The following DDHD1 variants were observed in gnomAD, a reference collection of about 807,000 sequenced individuals.
The protein encoded by DDHD1 is DDHD domain containing 1, also known as phospholipase DDHD1.
DDHD1 carries 49 observed loss-of-function variants against 96.4 expected under a neutral mutation model. That is an observed-to-expected ratio of 0.51 (90% CI 0.40 to 0.64). The LOEUF (loss-of-function observed/expected upper bound fraction) is 0.64. DDHD1 is among the 30% of genes least tolerant of loss of function. DDHD1 has a pLI of 0.00. For synonymous variants in DDHD1, 442 were observed against 446.5 expected (o/e 0.99, Z 0.13); for missense variants, 1,106 against 1,161.2 (o/e 0.95, Z 0.69).
intron 6 of DDHD1, among the ~76,000 whole-genome samples, chr14:53,071,662 C>T (rs1325204197): frequency 6.6e-6 from 1 of 152,108 alleles, no homozygotes; most frequent in African/African-American, 2.4e-5. Flanking sequence ...ACTTATCTCA[C>T]TTTCAAACAC....
chr14:53,058,139 T>C (rs1183251857), intron 9 of DDHD1, among the ~76,000 whole-genome samples: 1 of 148,720 alleles, frequency 6.7e-6, no homozygotes, highest in Non-Finnish European at 1.5e-5. Context: ...GCCCGGCTTT[T>C]TTCTTTTTGT....
At position 53,040,184 on chromosome 14, in the gene DDHD1, C is replaced by T. The variant is rs866683987; in HGVS notation, c.*6584G>A. On this transcript the variant is annotated 3_prime_UTR_variant, in exon 13 of 13. Transcript: ENST00000673822. ...TGGAGTTAGCCTGAAGACCTCAGAGCTATGGTCACTGACTGAACCCTGGAC... is the reference window on the plus strand; with the variant it reads ...TGGAGTTAGCCTGAAGACCTCAGAGTTATGGTCACTGACTGAACCCTGGAC... 2.6e-5 allele frequency: 4 copies of T among 152,308 alleles called. No individual in the cohort carries two copies. The highest frequency in any genetic ancestry group is 6.8e-3 in the Middle Eastern group (2 of 294). The allele number at this position is 152,308 out of a possible 1,614,324, so 9.4% of individuals were successfully genotyped here. A position where few individuals can be genotyped will look rare whatever the true frequency, so the allele number is the denominator to read the frequency against.
rs538723637 is a variant in DDHD1, at chr14:53,042,950, C to T, written c.*3818G>A. On this transcript the variant is annotated 3_prime_UTR_variant, in exon 13 of 13. Coordinates refer to ENST00000673822, the MANE Select transcript of DDHD1 (RefSeq NM_001160148.2). Reference sequence around the variant, plus strand: ...TCCACATGCCTTACTCATTAATTAGCTGAGAAGATAGAAATACCAATCTAA... The same window carrying T: ...TCCACATGCCTTACTCATTAATTAGTTGAGAAGATAGAAATACCAATCTAA... 5 of 152,242 alleles carry T rather than the reference C, an allele frequency of 3.3e-5. No homozygotes were observed. In the East Asian group the frequency reaches 7.7e-4, roughly 24 times the overall value. The allele number at this position is 152,242 out of a possible 1,614,324, so 9.4% of individuals were successfully genotyped here.
chr14:53,146,835 AT>A (rs934570518), intron 1 of DDHD1, among the ~76,000 whole-genome samples: 3 of 151,958 alleles, frequency 2.0e-5, no homozygotes, highest in Non-Finnish European at 4.4e-5. Flanking sequence ...CTATAAAAAA[AT>A]TTTTCCTTGT....
intron 2 of DDHD1, chr14:53,102,956 G>A (rs1345262260): frequency 2.8e-6 from 4 of 1,420,840 alleles, no homozygotes; most frequent in East Asian, 2.5e-5. Flanking sequence ...GACTAGCATG[G>A]ATGAAGAAAC....
rs949521824 is a variant in DDHD1, at chr14:53,071,165, C to T, written c.1503+1432G>A. On this transcript the variant is annotated intron_variant, in intron 6 of 12. Coordinates refer to ENST00000673822, the MANE Select transcript of DDHD1 (RefSeq NM_001160148.2). ...AATATCCACTTTGCAGATAGAGAAG[C>T]CATACAAAAATTAAGTGTTACAGTG... 3.3e-5 allele frequency among the ~76,000 whole-genome samples: 5 copies of T among 152,028 alleles called. No individual in the cohort carries two copies. The East Asian group carries it at 9.6e-4, about 29-fold the overall frequency.
chr14:53,105,639 C>T (rs1184712062), intron 1 of DDHD1, among the ~76,000 whole-genome samples: 1 of 152,144 alleles, frequency 6.6e-6, no homozygotes, highest in Admixed American at 6.6e-5. Context: ...CCTGTAATAT[C>T]ATATACATTC....
At chr14:53,061,034 T>A in intron 8 of DDHD1, 92 bp downstream of exon 8, 1 of 1,135,906 alleles carries the variant, frequency 8.8e-7, no homozygotes, top group Non-Finnish European at 1.3e-6. Context: ...GAAAGAACAA[T>A]AAACTTTCAT....
chr14:53,049,318 C>T (rs1482706318), intron 12 of DDHD1, among the ~76,000 whole-genome samples: 1 of 152,176 alleles, frequency 6.6e-6, no homozygotes, highest in Non-Finnish European at 1.5e-5. Flanking sequence ...GAACCTGTTT[C>T]AGTTTCTCGT....
chr14:53,094,145 C>T (rs1208186452), intron 2 of DDHD1, among the ~76,000 whole-genome samples: 2 of 151,730 alleles, frequency 1.3e-5, no homozygotes, highest in Non-Finnish European at 2.9e-5. Flanking sequence ...CCACTGCACT[C>T]CCGCCTGGGC....
At chr14:53,136,313 G>A (rs937749336) in intron 1 of DDHD1, among the ~76,000 whole-genome samples, 2 of 152,154 alleles carry the variant, frequency 1.3e-5, no homozygotes, top group South Asian at 2.1e-4. Context: ...CTCTTCACAC[G>A]GACGCATGAG....
intron 4 of DDHD1, among the ~76,000 whole-genome samples, chr14:53,091,043 A>T (rs963934659): frequency 2.0e-5 from 3 of 152,182 alleles, no homozygotes; most frequent in Non-Finnish European, 2.9e-5. Flanking sequence ...TCAAGCCTTT[A>T]TAAGCCTCAG....
chr14:53,131,281 C>T (rs967345702), intron 1 of DDHD1, among the ~76,000 whole-genome samples: 2 of 152,152 alleles, frequency 1.3e-5, no homozygotes, highest in Admixed American at 1.3e-4. Context: ...CCACCTTAAC[C>T]CACAAGTGAT....
intron 4 of DDHD1, among the ~76,000 whole-genome samples, chr14:53,074,361 T>C (rs1196369419): frequency 6.6e-6 from 1 of 151,790 alleles, no homozygotes; most frequent in African/African-American, 2.4e-5. Context: ...AGTATTAGTA[T>C]TACAATTAGT....
Position 53,046,821 on chromosome 14 carries a change from T to G in DDHD1, c.2650A>C (p.Met884Leu). 6.2e-7 allele frequency: 1 copy of G among 1,612,588 alleles called. No individual in the cohort carries two copies. ...TCATCATCGTGCTCATGTTTATACA[T>G]GAAGGTTAAAAGAAAAAGGGCAACA... ...LDVALFLLTF[M>L]YKHEHDDDAK... Residue 884 changes from methionine to leucine, a missense_variant, in exon 13 of 13, where the codon ATG becomes CTG. Coordinates refer to ENST00000673822, the MANE Select transcript of DDHD1 (RefSeq NM_001160148.2).
chr14:53,081,842 G>A (rs768862393), intron 4 of DDHD1, among the ~76,000 whole-genome samples: 5 of 151,594 alleles, frequency 3.3e-5, no homozygotes, highest in Non-Finnish European at 7.4e-5. Context: ...TGGAGTACTG[G>A]AGTGACTGTT....
chr14:53,054,320 T>G (rs1882852596), intron 11 of DDHD1, 118 bp downstream of exon 11: 1 of 858,008 alleles, frequency 1.2e-6, no homozygotes, highest in Admixed American at 3.0e-5. Flanking sequence ...CTTTCAAAGT[T>G]AAGGCACACT....
chr14:53,072,613 G>A lies in DDHD1; in HGVS notation c.1487C>T (p.Pro496Leu), dbSNP rs1884604445. The A allele has an allele frequency of 6.3e-7, 1 of 1,580,788 alleles. No individual in the cohort carries two copies. The highest frequency in any genetic ancestry group is 8.6e-7 in the Non-Finnish European group (1 of 1,159,222). ...GACACTTACTTCATCTCTATAAAGT[G>A]GACTAGTATAATACATTATGTCCAT... ...SAMDIMYYTS[P>L]LYRDELVKGL... Residue 496 changes from proline to leucine, a missense_variant, in exon 6 of 13, where the codon CCA becomes CTA. Pro to Leu is a moderately conservative substitution (Grantham distance 98). This residue lies in a region of DDHD1 where 650 missense variants were observed against 758.8 expected (regional missense o/e 0.86). Coordinates refer to ENST00000673822, the MANE Select transcript of DDHD1 (RefSeq NM_001160148.2).
At chr14:53,065,065 T>C (rs1194876597) in intron 6 of DDHD1, among the ~76,000 whole-genome samples, 1 of 152,154 alleles carries the variant, frequency 6.6e-6, no homozygotes, top group African/African-American at 2.4e-5. Flanking sequence ...ATCTATTAGG[T>C]CTACAATATG....
Sources: gnomAD v4.1 joint callset for allele counts (sites outside exome capture counted in the v4.1 genomes callset) on GRCh38, gnomAD v4.1.1 for gene constraint, gnomAD v4.1.1 regional missense constraint, MANE v1.5 for transcripts, NCBI Gene and HGNC (gene_info 2026-07-23, HGNC 2026-07-21) for gene names.